The following PHF24 variants were observed in gnomAD, a reference collection of about 807,000 sequenced individuals.
PHF24 encodes the protein Galpha inhibitory interacting protein.
A neutral mutation model predicts 42.6 loss-of-function variants in PHF24; 25 were observed. The observed-to-expected ratio is 0.59, with a 90% CI of 0.43 to 0.82. The LOEUF (loss-of-function observed/expected upper bound fraction) is 0.82. Ranked by LOEUF, PHF24 falls within the 40% of genes least tolerant of loss-of-function variation. The pLI is 0.00. For missense variants in PHF24, 470 were observed against 538.1 expected, an observed-to-expected ratio of 0.87 and a Z score of 1.25; for synonymous variants, 185 against 204.8, an observed-to-expected ratio of 0.90 and a Z score of 0.83.
the PHF24 span, chr9:34,710,075 T>TAGA: frequency 6.2e-7 from 1 of 1,612,912 alleles, no homozygotes; most frequent in Non-Finnish European, 8.5e-7. Context: ...ATGTCTGTGG[T>TAGA]AGAGGGTGAG....
At chr9:34,915,887 G>A in the PHF24 span, among the ~76,000 whole-genome samples, 13 of 135,678 alleles carry the variant, frequency 9.6e-5, no homozygotes, top group Admixed American at 8.5e-4. Context: ...ACCAGGTGGA[G>A]ATAACAGAAT....
the PHF24 span, among the ~76,000 whole-genome samples, chr9:34,681,691 G>A: frequency 1.3e-5 from 2 of 152,310 alleles, no homozygotes; most frequent in Non-Finnish European, 2.9e-5. Context: ...TGTACCTGTA[G>A]TCCCAGCTAC....
the PHF24 span, among the ~76,000 whole-genome samples, chr9:34,735,222 G>A: frequency 2.2e-5 from 3 of 139,018 alleles, no homozygotes; most frequent in South Asian, 4.6e-4. Flanking sequence ...TGCAACCTCC[G>A]CCTCCTGGGT....
the PHF24 span, chr9:34,917,756 A>C: frequency 2.2e-6 from 2 of 893,884 alleles, no homozygotes; most frequent in Non-Finnish European, 3.8e-6. Context: ...TGTGGGGACT[A>C]ATGCCAATCA....
At chr9:34,756,282 AG>A in the PHF24 span, among the ~76,000 whole-genome samples, 20,227 of 152,040 alleles carry the variant, frequency 0.13, 1,451 homozygotes, top group Middle Eastern at 0.25. Context: ...TATTTTTAGT[AG>A]AGATGGGGTT....
chr9:34,813,626 C>T, the PHF24 span, among the ~76,000 whole-genome samples: 1,010 of 152,340 alleles, frequency 6.6e-3, 7 homozygotes, highest in Middle Eastern at 0.037. Context: ...CTGGAGGTTA[C>T]TCTCAGTATC....
the PHF24 span, among the ~76,000 whole-genome samples, chr9:34,793,767 C>T: frequency 2.6e-5 from 3 of 114,168 alleles, no homozygotes; most frequent in African/African-American, 9.4e-5. Context: ...TCTCTTGCTT[C>T]TCCTCTGTTT....
chr9:34,737,527 C>T, the PHF24 span, among the ~76,000 whole-genome samples: 7 of 152,212 alleles, frequency 4.6e-5, no homozygotes, highest in South Asian at 2.1e-4. Context: ...GTTTTGTTCC[C>T]GTTTTCAGTT....
intron 2 of PHF24, 62 bp from the exon 3 acceptor site, chr9:34,972,284 G>C (rs1160680903): frequency 2.1e-6 from 3 of 1,461,700 alleles, no homozygotes; most frequent in Non-Finnish European, 2.8e-6. Flanking sequence ...TGTGCTTAGT[G>C]GCCTTGGAAT....
chr9:34,818,131 T>C, the PHF24 span, among the ~76,000 whole-genome samples: 1 of 152,268 alleles, frequency 6.6e-6, no homozygotes, highest in Non-Finnish European at 1.5e-5. Context: ...TGCTTGTGAA[T>C]AGGGGCACTA....
the PHF24 span, chr9:34,917,584 A>C: frequency 5.2e-6 from 4 of 775,180 alleles, no homozygotes; most frequent in Admixed American, 1.7e-5. Context: ...TGGAGCAGGA[A>C]TATACCCTCA....
chr9:34,744,934 G>T, the PHF24 span, among the ~76,000 whole-genome samples: 1 of 152,166 alleles, frequency 6.6e-6, no homozygotes, highest in Non-Finnish European at 1.5e-5. Context: ...CAGCCAGACA[G>T]GTGTTGAACA....
At chr9:34,758,636 C>T in the PHF24 span, among the ~76,000 whole-genome samples, 1 of 152,080 alleles carries the variant, frequency 6.6e-6, no homozygotes, top group Admixed American at 6.6e-5. The surrounding 1 kb of genome is among the most constrained non-coding windows in gnomAD (Gnocchi z 4.4). Context: ...GAGCAGGGTA[C>T]ACTTCAGAGG....
chr9:34,833,855 C>T, the PHF24 span: 1 of 1,551,224 alleles, frequency 6.4e-7, no homozygotes, highest in Non-Finnish European at 8.7e-7. Context: ...TTCCACGGGA[C>T]TAGGCTCCAT....
exon 8 of PHF24, chr9:34,981,915 C>G (rs1334020329): frequency 6.6e-6 from 1 of 152,120 alleles, no homozygotes. Context: ...TTCCTGACAG[C>G]TCAGCCCTGG....
At chr9:34,734,536 G>A in the PHF24 span, among the ~76,000 whole-genome samples, 1 of 152,160 alleles carries the variant, frequency 6.6e-6, no homozygotes, top group Non-Finnish European at 1.5e-5. Flanking sequence ...GGAAACAAAA[G>A]CCTTAAGTTG....
At chr9:34,682,495 G>A in the PHF24 span, among the ~76,000 whole-genome samples, 3 of 152,090 alleles carry the variant, frequency 2.0e-5, no homozygotes, top group Admixed American at 6.5e-5. Flanking sequence ...TAGGTGATAC[G>A]CTCAATTTTC....
the PHF24 span, chr9:34,837,115 A>C: frequency 2.1e-6 from 1 of 471,178 alleles, no homozygotes; most frequent in Non-Finnish European, 4.4e-6. Context: ...TCTTCCTGAG[A>C]AAGTCTCCTA....
At chr9:34,714,670 A>C in the PHF24 span, among the ~76,000 whole-genome samples, 1 of 152,196 alleles carries the variant, frequency 6.6e-6, no homozygotes, top group Admixed American at 6.5e-5. Flanking sequence ...AGCCGGTGAA[A>C]GGGAACAAAG....
Sources: allele counts gnomAD v4.1 joint callset (sites outside exome capture counted in the v4.1 genomes callset), GRCh38; gene constraint gnomAD v4.1.1; non-coding constraint Gnocchi (gnomAD v3.1); transcripts MANE v1.5; gene names NCBI Gene and HGNC (gene_info 2026-07-23, HGNC 2026-07-21).